GOT2: variants seen among roughly 807,000 people sequenced by gnomAD.
GOT2 encodes the protein aspartate aminotransferase, mitochondrial.
A neutral mutation model predicts 50.0 loss-of-function variants in GOT2; 17 were observed. The ratio of observed to expected loss-of-function variants is 0.34; its 90% CI spans 0.23 to 0.51. GOT2 has a LOEUF of 0.51. Among genes scored for constraint, GOT2 ranks in the 20% least tolerant of loss-of-function variants. The probability of loss-of-function intolerance (pLI) is 0.97; values close to 1 mark genes in which losing one functional copy is unlikely to be tolerated. For synonymous variants in GOT2, 172 were observed against 204.9 expected (o/e 0.84, Z 1.37); for missense variants, 430 against 559.6 (o/e 0.77, Z 2.34).
At chr16:58,716,254 T>C (rs2304490) in intron 7 of GOT2, 75 bp from the exon 8 acceptor site, 37,686 of 1,388,874 alleles carry the variant, frequency 0.027, 2,350 homozygotes, top group East Asian at 0.27. Context: ...GTGTATTTGC[T>C]ACGTATTATC....
Position 58,718,186 on chromosome 16 carries a change from T to C in GOT2, c.702+10A>G, listed in dbSNP as rs376729149. 469 of 1,580,378 alleles carry C rather than the reference T, an allele frequency of 3.0e-4. No homozygotes were observed. Among genetic ancestry groups the C allele is most frequent in the Middle Eastern group, 6.9e-4 (4 of 5,812 alleles). On this transcript the variant is annotated intron_variant, in intron 6 of 9. Coordinates refer to ENST00000245206, the MANE Select transcript of GOT2 (RefSeq NM_002080.4). ...CACAGAACTGTCGCCAGTGAGTTCATCGTCCTCACCTTCACCACTGTTGCT... is the reference window on the plus strand; with the variant it reads ...CACAGAACTGTCGCCAGTGAGTTCACCGTCCTCACCTTCACCACTGTTGCT...
intron 2 of GOT2, among the ~76,000 whole-genome samples, chr16:58,722,530 C>T (rs1289294269): frequency 6.6e-6 from 1 of 151,914 alleles, no homozygotes; most frequent in African/African-American, 2.4e-5. Flanking sequence ...ACCACCACGC[C>T]CAGCTAATTT....
chr16:58,719,274 C>T lies in GOT2; in HGVS notation c.376-19G>A, dbSNP rs372869152. The T allele has an allele frequency of 1.1e-5, 18 of 1,596,026 alleles. No individual in the cohort carries two copies. Among genetic ancestry groups the T allele is most frequent in the African/African-American group, 5.4e-5 (4 of 74,556 alleles). On this transcript the variant is annotated intron_variant, in intron 3 of 9. Coordinates refer to ENST00000245206, the MANE Select transcript of GOT2 (RefSeq NM_002080.4). Reference sequence around the variant, plus strand: ...TGACAAACTGAAGGAGAGATACCCACGGTCAGTGATGTGCAACACTCTCTA... The same window carrying T: ...TGACAAACTGAAGGAGAGATACCCATGGTCAGTGATGTGCAACACTCTCTA...
rs755363430 is a variant in GOT2 at position 58,718,662 on chromosome 16, A to G, written c.462T>C (p.Asp154=). ...CCCAGGTTGGTTTGGGCAGAAAGAC[A>G]TCTCGGCTGAACTTAAAAAATCTTT... The part of the protein sequence containing the change: ...FLQRFFKFSR[D]VFLPKPTWGN... Residue 154 remains aspartate, a synonymous_variant, in exon 5 of 10, where the codon GAT becomes GAC. Transcript: ENST00000245206. The G allele has an allele frequency of 1.3e-6, 2 of 1,583,452 alleles. No homozygotes were observed. The highest frequency in any genetic ancestry group is 2.3e-5 in the South Asian group (2 of 86,362).
At chr16:58,721,295 A>C (rs1197096116) in intron 3 of GOT2, among the ~76,000 whole-genome samples, 1 of 152,196 alleles carries the variant, frequency 6.6e-6, no homozygotes, top group African/African-American at 2.4e-5. Flanking sequence ...TCACTAAAAA[A>C]CATGTTTTTT....
At chr16:58,716,224 T>C (rs1335410751) in intron 7 of GOT2, 45 bp from the exon 8 acceptor site, 15 of 1,565,048 alleles carry the variant, frequency 9.6e-6, no homozygotes, top group Non-Finnish European at 1.2e-5. Flanking sequence ...TACTATCTAA[T>C]GTGCTAAAGC....
chr16:58,712,204 T>C (rs1039308507), intron 8 of GOT2, among the ~76,000 whole-genome samples: 1 of 152,116 alleles, frequency 6.6e-6, no homozygotes, highest in Non-Finnish European at 1.5e-5. Flanking sequence ...TTTATTCCAT[T>C]CTGTCTTATA....
At chr16:58,716,344 A>C in intron 7 of GOT2, 165 bp from the exon 8 acceptor site, 1 of 681,284 alleles carries the variant, frequency 1.5e-6, no homozygotes, top group Non-Finnish European at 2.4e-6. Context: ...ACTGAGGCAC[A>C]AGGAAGTTTT....
intron 3 of GOT2, among the ~76,000 whole-genome samples, chr16:58,721,336 G>C (rs889372935): frequency 6.6e-6 from 1 of 152,134 alleles, no homozygotes; most frequent in Non-Finnish European, 1.5e-5. Context: ...ATGTGCACGA[G>C]TTCACATGTT....
intron 8 of GOT2, among the ~76,000 whole-genome samples, chr16:58,711,281 C>T (rs2044645914): frequency 6.6e-6 from 1 of 152,090 alleles, no homozygotes; most frequent in Non-Finnish European, 1.5e-5. Context: ...ATGCTAAAAG[C>T]CCCAAGGAGA....
intron 1 of GOT2, among the ~76,000 whole-genome samples, chr16:58,732,685 A>T (rs2044844741): frequency 1.3e-5 from 2 of 152,234 alleles, no homozygotes; most frequent in Non-Finnish European, 2.9e-5. Flanking sequence ...TCAGACTCTC[A>T]AACTGAAAGA....
intron 1 of GOT2, among the ~76,000 whole-genome samples, chr16:58,728,855 A>T (rs1310645050): frequency 1.3e-5 from 2 of 151,586 alleles, no homozygotes; most frequent in Non-Finnish European, 1.5e-5. Flanking sequence ...TAATTTTTTT[A>T]TTTTTATTTT....
intron 9 of GOT2, 118 bp downstream of exon 9, chr16:58,709,298 CA>C: frequency 3.3e-6 from 3 of 909,768 alleles, no homozygotes; most frequent in Non-Finnish European, 4.8e-6. Flanking sequence ...CAAAACAAAA[CA>C]AAACAAAACA....
intron 1 of GOT2, among the ~76,000 whole-genome samples, chr16:58,729,185 A>G (rs1303200075): frequency 6.6e-6 from 1 of 151,192 alleles, no homozygotes; most frequent in Non-Finnish European, 1.5e-5. Context: ...CCTTAAACCA[A>G]CTTCTGAACT....
In GOT2 at chr16:58,716,040, C is replaced by G. The variant is rs1432270880; in HGVS notation, c.993G>C (p.Leu331=). 6.2e-7 allele frequency: 1 copy of G among 1,612,918 alleles called. No homozygotes were observed. The highest frequency in any genetic ancestry group is 1.3e-5 in the African/African-American group (1 of 74,796). Residue 331 remains leucine, a synonymous_variant, in exon 8 of 10, where the codon CTG becomes CTC. Transcript: ENST00000245206. Reference sequence around the variant, plus strand: ...ATTGTTTTCGCAAATCTGGGGTGTTCAGAATGGCAGCAGCAATCCGGGCCC... The same window carrying G: ...ATTGTTTTCGCAAATCTGGGGTGTTGAGAATGGCAGCAGCAATCCGGGCCC... The part of the protein sequence containing the change: ...LNGARIAAAI[L]NTPDLRKQWL...
chr16:58,709,239 G>C, intron 9 of GOT2, 178 bp downstream of exon 9: 1 of 569,014 alleles, frequency 1.8e-6, no homozygotes, highest in Non-Finnish European at 3.0e-6. Flanking sequence ...CTCCAGCCTG[G>C]GTTTCAGAGC....
chr16:58,709,657 C>T (rs1465809396), intron 8 of GOT2, 90 bp from the exon 9 acceptor site: 4 of 1,061,398 alleles, frequency 3.8e-6, no homozygotes, highest in Non-Finnish European at 5.5e-6. Context: ...CTTGAGCAGT[C>T]CCCTAGTGTG....
At chr16:58,723,986 C>A in intron 1 of GOT2, 84 bp from the exon 2 acceptor site, 1 of 1,263,828 alleles carries the variant, frequency 7.9e-7, no homozygotes. Context: ...TAGACTCTTG[C>A]TCTGTTGCCC....
At chr16:58,719,691 G>A (rs568863019) in intron 3 of GOT2, among the ~76,000 whole-genome samples, 1 of 152,242 alleles carries the variant, frequency 6.6e-6, no homozygotes, top group South Asian at 2.1e-4. Context: ...CGAAGTGGAG[G>A]ATGCAGTGAG....
Sources: allele counts gnomAD v4.1 joint callset (sites outside exome capture counted in the v4.1 genomes callset), GRCh38; gene constraint gnomAD v4.1.1; transcripts MANE v1.5; gene names NCBI Gene and HGNC (gene_info 2026-07-23, HGNC 2026-07-21).